Variants in VEPH1 observed in about 807,000 individuals in gnomAD.
VEPH1 encodes ventricular zone expressed PH domain containing 1.
A neutral mutation model predicts 85.2 loss-of-function variants in VEPH1; 80 were observed. The ratio of observed to expected loss-of-function variants is 0.94; its 90% CI spans 0.78 to 1.13. The LOEUF (loss-of-function observed/expected upper bound fraction) is 1.13, where lower values mean the gene tolerates loss of function less well. Ranked by LOEUF, VEPH1 falls within the 50% of genes most tolerant of loss-of-function variation. The pLI is 0.00. For synonymous variants in VEPH1, 297 were observed against 348.0 expected (o/e 0.85, Z 1.63); for missense variants, 955 against 980.5 (o/e 0.97, Z 0.35).
chr3:157,494,855 T>G (rs1824056), intron 2 of VEPH1, among the ~76,000 whole-genome samples: 35,098 of 152,096 alleles, frequency 0.23, 4,387 homozygotes, highest in South Asian at 0.35. Flanking sequence ...GATGCTGTTA[T>G]GCTGCTCTGC....
rs558789377 is a variant in VEPH1, at chr3:157,286,477, G to A, written c.2128+80C>T. On this transcript the variant is annotated intron_variant, in intron 12 of 13. Transcript: ENST00000362010. ...CTGGGGATGTTTATGCAAGAGGAAG[G>A]CCACCTAGAAAAATGGAGCTGACAG... 5 of 1,100,374 alleles carry A rather than the reference G, an allele frequency of 4.5e-6. No homozygotes were observed. The African/African-American group carries it at 4.6e-5, about 10-fold the overall frequency. The allele number at this position is 1,100,374 out of a possible 1,614,324, so 68.2% of individuals were successfully genotyped here.
chr3:157,492,277 C>G (rs376586147), intron 2 of VEPH1, among the ~76,000 whole-genome samples: 1 of 152,134 alleles, frequency 6.6e-6, no homozygotes, highest in Non-Finnish European at 1.5e-5. Context: ...GACTTGAGAA[C>G]AGCATGAAAC....
intron 13 of VEPH1, among the ~76,000 whole-genome samples, chr3:157,265,303 G>A (rs1449784655): frequency 6.6e-6 from 1 of 152,168 alleles, no homozygotes; most frequent in Non-Finnish European, 1.5e-5. Flanking sequence ...CAACTAAAAA[G>A]TCAACTAAAA....
At chr3:157,352,440 C>G (rs1724967388) in intron 9 of VEPH1, among the ~76,000 whole-genome samples, 1 of 152,104 alleles carries the variant, frequency 6.6e-6, no homozygotes, top group Non-Finnish European at 1.5e-5. Context: ...ACAGTCAGGA[C>G]AGACACAATG....
chr3:157,267,606 G>A (rs534661573), intron 12 of VEPH1, among the ~76,000 whole-genome samples: 3 of 151,908 alleles, frequency 2.0e-5, no homozygotes, highest in South Asian at 2.1e-4. Flanking sequence ...CCAACTTGGC[G>A]AAAGCCCATC....
intron 10 of VEPH1, 128 bp from the exon 11 acceptor site, chr3:157,313,883 GA>G (rs1720418208): frequency 2.5e-6 from 3 of 1,183,988 alleles, no homozygotes; most frequent in Non-Finnish European, 3.5e-6. Context: ...AATGAAACAA[GA>G]AAAAGATCTG....
At chr3:157,324,875 A>G (rs1721730009) in intron 9 of VEPH1, among the ~76,000 whole-genome samples, 1 of 152,156 alleles carries the variant, frequency 6.6e-6, no homozygotes, top group Non-Finnish European at 1.5e-5. Flanking sequence ...GTTGGGTCAT[A>G]TGGTATTTCT....
chr3:157,314,464 T>G (rs547299187), intron 10 of VEPH1, among the ~76,000 whole-genome samples: 1 of 151,868 alleles, frequency 6.6e-6, no homozygotes, highest in East Asian at 1.9e-4. Flanking sequence ...TTGATAATGA[T>G]CTCCATAAAT....
chr3:157,468,154 G>A (rs1053148852), intron 3 of VEPH1, among the ~76,000 whole-genome samples: 3 of 152,114 alleles, frequency 2.0e-5, no homozygotes, highest in Admixed American at 2.0e-4. Flanking sequence ...CCTATCTAGT[G>A]AAATTCCTGC....
intron 12 of VEPH1, among the ~76,000 whole-genome samples, chr3:157,278,140 G>C (rs1715630460): frequency 6.6e-6 from 1 of 152,136 alleles, no homozygotes; most frequent in Non-Finnish European, 1.5e-5. Flanking sequence ...ACACATAAAA[G>C]AACAAGACAG....
At chr3:157,356,603 A>C (rs1383065940) in intron 9 of VEPH1, among the ~76,000 whole-genome samples, 1 of 151,936 alleles carries the variant, frequency 6.6e-6, no homozygotes, top group Non-Finnish European at 1.5e-5. Flanking sequence ...TCTTATCAAA[A>C]CCCTTCACCC....
intron 2 of VEPH1, among the ~76,000 whole-genome samples, chr3:157,482,916 A>G (rs931991442): frequency 2.0e-5 from 3 of 152,104 alleles, no homozygotes; most frequent in Non-Finnish European, 4.4e-5. Flanking sequence ...TTCTAGGTAT[A>G]AATTATGTTT....
intron 7 of VEPH1, among the ~76,000 whole-genome samples, chr3:157,366,689 C>G (rs560199105): frequency 6.6e-6 from 1 of 152,026 alleles, no homozygotes; most frequent in Non-Finnish European, 1.5e-5. Flanking sequence ...GAGCAGAGAT[C>G]GCGCCATTGC....
At chr3:157,291,598 C>T (rs1358171262) in intron 11 of VEPH1, among the ~76,000 whole-genome samples, 1 of 152,196 alleles carries the variant, frequency 6.6e-6, no homozygotes, top group Non-Finnish European at 1.5e-5. Flanking sequence ...TTCATTGTGT[C>T]TGCAGTATTC....
intron 7 of VEPH1, among the ~76,000 whole-genome samples, chr3:157,370,637 G>A (rs1727381895): frequency 6.6e-6 from 1 of 152,194 alleles, no homozygotes; most frequent in African/African-American, 2.4e-5. Flanking sequence ...TCAGTTCTTG[G>A]TATCTATTCT....
chr3:157,414,947 C>T (rs1731788009), intron 5 of VEPH1, among the ~76,000 whole-genome samples: 1 of 152,072 alleles, frequency 6.6e-6, no homozygotes, highest in South Asian at 2.1e-4. Flanking sequence ...TTAAATGTAG[C>T]TTCCAGTATT....
intron 9 of VEPH1, among the ~76,000 whole-genome samples, chr3:157,334,818 G>C (rs1500922): frequency 0.22 from 32,769 of 152,108 alleles, 4,191 homozygotes; most frequent in Admixed American, 0.38. Flanking sequence ...AGAGGAGCAA[G>C]AGTTTGGGTA....
chr3:157,463,210 TA>T (rs1736041573), intron 3 of VEPH1, among the ~76,000 whole-genome samples: 1 of 152,184 alleles, frequency 6.6e-6, no homozygotes, highest in African/African-American at 2.4e-5. Flanking sequence ...ACAGAACTGA[TA>T]AATCTTTAAT....
chr3:157,263,355 C>CT (rs557697974), intron 13 of VEPH1, among the ~76,000 whole-genome samples: 4 of 152,116 alleles, frequency 2.6e-5, no homozygotes, highest in Non-Finnish European at 4.4e-5. Context: ...TATAAAATTG[C>CT]TTTTTCTTTA....
Sources: allele counts gnomAD v4.1 joint callset (sites outside exome capture counted in the v4.1 genomes callset), GRCh38; gene constraint gnomAD v4.1.1; transcripts MANE v1.5; gene names NCBI Gene and HGNC (gene_info 2026-07-23, HGNC 2026-07-21).